The following MRC1 variants were observed in gnomAD, a reference collection of about 807,000 sequenced individuals.
The protein encoded by MRC1 is macrophage mannose receptor 1.
Under a neutral mutation model 102.9 loss-of-function variants are expected in MRC1, and 62 were observed. That is an observed-to-expected ratio of 0.60 (90% CI 0.49 to 0.74). The LOEUF (loss-of-function observed/expected upper bound fraction) is 0.74, where lower values mean the gene tolerates loss of function less well. Ranked by LOEUF, MRC1 falls within the 30% of genes least tolerant of loss-of-function variation. The pLI is 0.00. For missense variants in MRC1, 1,237 were observed against 862.8 expected, an observed-to-expected ratio of 1.43 and a Z score of -5.43; for synonymous variants, 457 against 298.4, an observed-to-expected ratio of 1.53 and a Z score of -5.48.
chr10:17,829,239 A>C (rs1838531473), intron 3 of MRC1, among the ~76,000 whole-genome samples: 1 of 151,568 alleles, frequency 6.6e-6, no homozygotes, highest in Admixed American at 6.6e-5. Flanking sequence ...CACTATTTCA[A>C]GCATTATTGT....
chr10:17,865,121 A>G (rs1833246077), intron 11 of MRC1, among the ~76,000 whole-genome samples: 1 of 152,212 alleles, frequency 6.6e-6, no homozygotes, highest in Non-Finnish European at 1.5e-5. Flanking sequence ...AACATCCCTT[A>G]TAGCAAATAT....
At chr10:17,844,995 C>T (rs2130633257) in intron 5 of MRC1, 4 of 624,756 alleles carry the variant, frequency 6.4e-6, no homozygotes, top group South Asian at 4.4e-5. Flanking sequence ...GACAACTGTT[C>T]AAGTTTTAAG....
intron 4 of MRC1, among the ~76,000 whole-genome samples, chr10:17,835,787 C>T (rs1554839422): frequency 5.3e-5 from 8 of 152,158 alleles, no homozygotes; most frequent in Non-Finnish European, 1.5e-5. Flanking sequence ...TTATTCATCA[C>T]CTTGGAATTC....
intron 26 of MRC1, among the ~76,000 whole-genome samples, chr10:17,903,382 C>CTTTTT (rs1210207060): frequency 8.0e-5 from 10 of 125,048 alleles, no homozygotes; most frequent in Non-Finnish European, 1.0e-4. Context: ...TTTTTCTTTT[C>CTTTTT]TTTTTTTTTC....
At chr10:17,840,178 T>C (rs1838730392) in intron 4 of MRC1, among the ~76,000 whole-genome samples, 1 of 152,062 alleles carries the variant, frequency 6.6e-6, no homozygotes, top group Admixed American at 6.6e-5. Flanking sequence ...TAGAACAGAA[T>C]TGGAAACATT....
intron 5 of MRC1, among the ~76,000 whole-genome samples, chr10:17,843,972 G>A (rs1479345564): frequency 6.6e-6 from 1 of 152,160 alleles, no homozygotes; most frequent in Non-Finnish European, 1.5e-5. Flanking sequence ...AGTTTGGGGA[G>A]TACTGGTTTT....
At chr10:17,878,223 C>G (rs1833463560) in intron 18 of MRC1, among the ~76,000 whole-genome samples, 1 of 152,202 alleles carries the variant, frequency 6.6e-6, no homozygotes, top group Non-Finnish European at 1.5e-5. Flanking sequence ...ATGTCATCAT[C>G]TGTCAGTAAA....
intron 5 of MRC1, among the ~76,000 whole-genome samples, chr10:17,843,098 A>G (rs1838774661): frequency 6.6e-6 from 1 of 152,270 alleles, no homozygotes; most frequent in African/African-American, 2.4e-5. Context: ...ATTCAAATAT[A>G]TAATAACTAT....
At chr10:17,864,160 G>A (rs934877862) in intron 11 of MRC1, among the ~76,000 whole-genome samples, 6 of 152,084 alleles carry the variant, frequency 3.9e-5, no homozygotes, top group Admixed American at 3.9e-4. Context: ...GTACCAGCAC[G>A]CCTGGTTAAT....
chr10:17,834,523 C>T (rs1325564196), intron 4 of MRC1, among the ~76,000 whole-genome samples: 1 of 152,188 alleles, frequency 6.6e-6, no homozygotes, highest in Non-Finnish European at 1.5e-5. Flanking sequence ...CATGATTCTC[C>T]TGCCTCAGCC....
intron 1 of MRC1, among the ~76,000 whole-genome samples, chr10:17,813,887 T>C (rs973451106): frequency 6.6e-6 from 1 of 151,728 alleles, no homozygotes. Context: ...TTTGTAGAGA[T>C]GGGGTTTTGC....
intron 15 of MRC1, 59 bp from the exon 16 acceptor site, chr10:17,873,725 G>C: frequency 1.2e-6 from 1 of 853,540 alleles, no homozygotes; most frequent in Non-Finnish European, 2.1e-6. Flanking sequence ...ACAATAGAAG[G>C]AAATGTAATT....
At chr10:17,874,460 C>T (rs1217070708) in intron 16 of MRC1, among the ~76,000 whole-genome samples, 2 of 152,136 alleles carry the variant, frequency 1.3e-5, no homozygotes, top group African/African-American at 4.8e-5. Context: ...CCAAGATAAC[C>T]CTCCTATCTC....
In MRC1 at chr10:17,852,987, A is replaced by G; in HGVS notation, c.1270A>G (p.Ile424Val). 1 of 780,810 alleles carries G rather than the reference A, an allele frequency of 1.3e-6. No homozygotes were observed. Among genetic ancestry groups the G allele is most frequent in the East Asian group, 2.4e-5 (1 of 41,246 alleles). The allele number at this position is 780,810 out of a possible 1,614,324, so 48.4% of individuals were successfully genotyped here. ...LGYEPNDELW[I>V]GLNDIKIQMY... ...TTTAGAGCCAAATGACGAATTGTGG[A>G]TCGGCTTAAATGACATTAAGATTCA... is the stretch of plus-strand genomic sequence containing the variant. The change falls in exon 8 of 30, where the codon ATC (isoleucine) becomes GTC (valine). Residue 424 changes from isoleucine (I) to valine (V), a missense_variant. Transcript: ENST00000569591.
At chr10:17,878,298 T>C (rs963142920) in intron 18 of MRC1, among the ~76,000 whole-genome samples, 5 of 152,166 alleles carry the variant, frequency 3.3e-5, no homozygotes, top group African/African-American at 7.2e-5. Context: ...AAAATTATAA[T>C]CCCATCTGGG....
intron 6 of MRC1, among the ~76,000 whole-genome samples, chr10:17,847,994 A>C (rs2130639047): frequency 6.7e-6 from 1 of 149,654 alleles, no homozygotes; most frequent in South Asian, 2.1e-4. Flanking sequence ...AATTTTTTTA[A>C]ATATGCATTT....
At chr10:17,873,893 G>A in intron 16 of MRC1, 68 bp downstream of exon 16, 1 of 855,572 alleles carries the variant, frequency 1.2e-6, no homozygotes, top group Non-Finnish European at 2.0e-6. Context: ...CTTTCTCAAT[G>A]AAAAAATTAC....
chr10:17,910,272 T>C lies in MRC1; in HGVS notation c.4178T>C (p.Ile1393Thr). 1.3e-6 allele frequency: 1 copy of C among 780,892 alleles called. No individual in the cohort carries two copies. Among genetic ancestry groups the C allele is most frequent in the Admixed American group, 1.7e-5 (1 of 59,040 alleles). The allele number at this position is 780,892 out of a possible 1,614,324, so 48.4% of individuals were successfully genotyped here. A position where few individuals can be genotyped will look rare whatever the true frequency, so the allele number is the denominator to read the frequency against. The change falls in exon 30 of 30, where the codon ATC (isoleucine) becomes ACC (threonine). Residue 1393 changes from isoleucine (I) to threonine (T), a missense_variant. Transcript: ENST00000569591. ...TCTTCCAACGTGGCCGGAGTAGTCA[T>C]CATTGTGATCCTCCTGATTTTAACG... ...KPSSNVAGVV[I>T]IVILLILTGA...
At chr10:17,834,277 C>A (rs1031911012) in intron 4 of MRC1, among the ~76,000 whole-genome samples, 1 of 152,166 alleles carries the variant, frequency 6.6e-6, no homozygotes, top group East Asian at 1.9e-4. Context: ...AAGTCAGAGG[C>A]TGTTTTGAAA....
Sources: allele counts gnomAD v4.1 joint callset (sites outside exome capture counted in the v4.1 genomes callset), GRCh38; gene constraint gnomAD v4.1.1; transcripts MANE v1.5; gene names NCBI Gene and HGNC (gene_info 2026-07-23, HGNC 2026-07-21).